Variants in TNKS observed in about 807,000 individuals in gnomAD.
TNKS encodes the protein tankyrase.
TNKS carries 72 observed loss-of-function variants against 135.8 expected under a neutral mutation model. The ratio of observed to expected loss-of-function variants is 0.53; its 90% CI spans 0.44 to 0.64. The LOEUF (loss-of-function observed/expected upper bound fraction) is 0.64. TNKS is among the 30% of genes least tolerant of loss of function. The probability of loss-of-function intolerance (pLI) is 0.00; values close to 1 mark genes in which losing one functional copy is unlikely to be tolerated. For missense variants in TNKS, 1,769 were observed against 1,674.0 expected (o/e 1.06, Z -0.99); for synonymous variants, 849 against 649.3 (o/e 1.31, Z -4.68).
intron 9 of TNKS, 79 bp from the exon 10 acceptor site, chr8:9,709,876 C>A: frequency 9.7e-7 from 1 of 1,028,840 alleles, no homozygotes; most frequent in Non-Finnish European, 1.5e-6. Context: ...TTTAAATGGT[C>A]AGCAGATACT....
rs1467628110 is a variant in TNKS at position 9,710,262 on chromosome 8, G to T, written c.1749+42G>T. 2.5e-6 allele frequency: 4 copies of T among 1,579,206 alleles called. No homozygotes were observed. The African/African-American group carries it at 5.4e-5, about 21-fold the overall frequency. On this transcript the variant is annotated intron_variant, in intron 11 of 26. Coordinates refer to ENST00000310430, the MANE Select transcript of TNKS (RefSeq NM_003747.3). Reference sequence around the variant, plus strand: ...AGCAGAGTGCCAGACTCAGCACTGAGCAGCCAGCTGCTCTTAACACTGCTT... The same window carrying T: ...AGCAGAGTGCCAGACTCAGCACTGATCAGCCAGCTGCTCTTAACACTGCTT...
chr8:9,610,602 C>G (rs558989824), intron 2 of TNKS, among the ~76,000 whole-genome samples: 11 of 152,150 alleles, frequency 7.2e-5, no homozygotes, highest in African/African-American at 2.6e-4. Context: ...ATTTTCTTTG[C>G]TTAAAAAATT....
intron 5 of TNKS, among the ~76,000 whole-genome samples, chr8:9,703,093 C>A (rs1028823232): frequency 6.6e-6 from 1 of 152,110 alleles, no homozygotes; most frequent in Non-Finnish European, 1.5e-5. Flanking sequence ...CCCTTATCCT[C>A]GGGAGATAAC....
At chr8:9,712,277 C>T (rs972654203) in intron 11 of TNKS, among the ~76,000 whole-genome samples, 38 of 152,094 alleles carry the variant, frequency 2.5e-4, no homozygotes, top group Admixed American at 1.1e-3. Context: ...GCCAGGAGTT[C>T]GACACCAGCC....
intron 15 of TNKS, among the ~76,000 whole-genome samples, chr8:9,733,850 CT>C (rs1805561516): frequency 1.3e-5 from 2 of 151,868 alleles, no homozygotes; most frequent in Non-Finnish European, 1.5e-5. Flanking sequence ...AATATTGTGT[CT>C]TTAAGAACTT....
At chr8:9,604,111 C>T (rs943937680) in intron 2 of TNKS, among the ~76,000 whole-genome samples, 2 of 152,056 alleles carry the variant, frequency 1.3e-5, no homozygotes, top group Admixed American at 6.6e-5. Context: ...TCTGATTTGG[C>T]TAATCAGACA....
intron 8 of TNKS, among the ~76,000 whole-genome samples, chr8:9,707,409 T>C (rs1352919253): frequency 6.6e-6 from 1 of 152,140 alleles, no homozygotes; most frequent in African/African-American, 2.4e-5. Flanking sequence ...TGAAACCTCT[T>C]ATGGGCTTAC....
intron 2 of TNKS, among the ~76,000 whole-genome samples, chr8:9,610,711 G>C (rs1301393551): frequency 6.6e-6 from 1 of 152,074 alleles, no homozygotes; most frequent in African/African-American, 2.4e-5. Context: ...TAATTTTAAA[G>C]TAAAAACTTC....
chr8:9,573,668 G>A (rs533302869), intron 1 of TNKS, among the ~76,000 whole-genome samples: 11 of 152,134 alleles, frequency 7.2e-5, no homozygotes, highest in East Asian at 3.9e-4. Context: ...ATCTTTTTAC[G>A]CTTAAAAAGC....
intron 25 of TNKS, 51 bp downstream of exon 25, chr8:9,766,476 A>C: frequency 7.4e-7 from 1 of 1,347,638 alleles, no homozygotes; most frequent in African/African-American, 1.5e-5. Context: ...GTCACGAACC[A>C]AATTGTCTTT....
intron 1 of TNKS, among the ~76,000 whole-genome samples, chr8:9,578,530 A>G (rs148902835): frequency 3.9e-5 from 6 of 152,190 alleles, no homozygotes; most frequent in East Asian, 1.9e-4. Context: ...TTTGTAATAC[A>G]TATCTGTGGA....
chr8:9,767,695 C>A (rs62489387), intron 25 of TNKS, among the ~76,000 whole-genome samples: 2 of 152,066 alleles, frequency 1.3e-5, no homozygotes, highest in African/African-American at 4.8e-5. Flanking sequence ...CATGGTGGCT[C>A]ACACCTGTAA....
chr8:9,777,974 T>C lies in TNKS; in HGVS notation c.*1238T>C, dbSNP rs1808302239. On this transcript the variant is annotated 3_prime_UTR_variant, in exon 27 of 27. Transcript: ENST00000310430. ...CATAAAGATCCTTGCATTAAATTTC[T>C]GAACCATTTCTTCAAACTTCTTAGT... 1 of 152,644 alleles carries C rather than the reference T, an allele frequency of 6.6e-6. No homozygotes were observed. Among genetic ancestry groups the C allele is most frequent in the Non-Finnish European group, 1.5e-5 (1 of 68,026 alleles). The allele number at this position is 152,644 out of a possible 1,614,324, so 9.5% of individuals were successfully genotyped here.
At chr8:9,692,873 G>A (rs1803343885) in intron 5 of TNKS, among the ~76,000 whole-genome samples, 1 of 152,108 alleles carries the variant, frequency 6.6e-6, no homozygotes, top group Admixed American at 6.5e-5. Context: ...GACAGCATTA[G>A]CAATGAAATA....
intron 15 of TNKS, 44 bp downstream of exon 15, chr8:9,733,488 T>C (rs1349638842): frequency 6.6e-7 from 1 of 1,526,324 alleles, no homozygotes; most frequent in Non-Finnish European, 8.9e-7. Context: ...ATTTTATTTA[T>C]ATTTTGGTTA....
chr8:9,578,570 T>G (rs1798046801), intron 1 of TNKS, among the ~76,000 whole-genome samples: 1 of 152,254 alleles, frequency 6.6e-6, no homozygotes, highest in Admixed American at 6.5e-5. Context: ...AGACTTTTTC[T>G]TAGAGCCTGC....
At chr8:9,575,492 A>C (rs961755189) in intron 1 of TNKS, 1 of 885,936 alleles carries the variant, frequency 1.1e-6, no homozygotes, top group African/African-American at 1.8e-5. Context: ...AAAGATAAGG[A>C]AAAATAAAAA....
chr8:9,672,385 A>C (rs58165072), intron 3 of TNKS, among the ~76,000 whole-genome samples: 4,839 of 152,072 alleles, frequency 0.032, 194 homozygotes, highest in African/African-American at 0.096. Flanking sequence ...GGGCTGTACT[A>C]TGTAACAGTG....
intron 12 of TNKS, among the ~76,000 whole-genome samples, chr8:9,721,933 A>T (rs1236597328): frequency 1.3e-5 from 2 of 151,872 alleles, no homozygotes; most frequent in African/African-American, 4.8e-5. Context: ...CGTGCCTGTA[A>T]TTCCAGCTAC....
Sources: allele counts gnomAD v4.1 joint callset (sites outside exome capture counted in the v4.1 genomes callset), GRCh38; gene constraint gnomAD v4.1.1; transcripts MANE v1.5; gene names NCBI Gene and HGNC (gene_info 2026-07-23, HGNC 2026-07-21).